Variants in SAMMSON observed in about 807,000 individuals in gnomAD.
SAMMSON encodes long intergenic non-protein coding RNA 1212.
intron 9 of SAMMSON, among the ~76,000 whole-genome samples, chr3:70,377,719 C>A (rs1703032549): frequency 1.3e-5 from 2 of 151,878 alleles, no homozygotes; most frequent in African/African-American, 2.4e-5. Flanking sequence ...GAAAAAGTTA[C>A]AACACATATG....
At chr3:70,286,293 C>T (rs965442574) in intron 6 of SAMMSON, among the ~76,000 whole-genome samples, 73 of 152,134 alleles carry the variant, frequency 4.8e-4, no homozygotes, top group Non-Finnish European at 9.4e-4. Flanking sequence ...CCAGTTTTCC[C>T]AGCACCGTTT....
chr3:70,000,546 A>G (rs995937100), intron 1 of SAMMSON, among the ~76,000 whole-genome samples: 1 of 152,238 alleles, frequency 6.6e-6, no homozygotes, highest in African/African-American at 2.4e-5. Context: ...TGCCAAATGT[A>G]AACATATTTC....
intron 7 of SAMMSON, among the ~76,000 whole-genome samples, chr3:70,342,669 C>T (rs1480905619): frequency 1.3e-5 from 2 of 152,154 alleles, no homozygotes; most frequent in Non-Finnish European, 2.9e-5. Context: ...ATGAGATATA[C>T]ACCCTTTATT....
At chr3:70,146,924 A>C (rs1256548594) in intron 4 of SAMMSON, among the ~76,000 whole-genome samples, 1 of 152,068 alleles carries the variant, frequency 6.6e-6, no homozygotes, top group East Asian at 1.9e-4. Flanking sequence ...TTAATGTAGA[A>C]AATCCCAAGG....
intron 7 of SAMMSON, among the ~76,000 whole-genome samples, chr3:70,306,560 T>C (rs1702402816): frequency 6.6e-6 from 1 of 152,186 alleles, no homozygotes; most frequent in South Asian, 2.1e-4. Flanking sequence ...AAAGCTTGTT[T>C]ATTGCCCATT....
At chr3:70,234,379 T>C (rs1338229706) in intron 4 of SAMMSON, among the ~76,000 whole-genome samples, 1 of 152,208 alleles carries the variant, frequency 6.6e-6, no homozygotes, top group Non-Finnish European at 1.5e-5. Context: ...CTAGGCACAG[T>C]GGCTCATGCC....
intron 3 of SAMMSON, among the ~76,000 whole-genome samples, chr3:70,055,600 A>G (rs1283752409): frequency 8.5e-5 from 13 of 152,096 alleles, no homozygotes; most frequent in Admixed American, 8.5e-4. Context: ...CTTATATAAA[A>G]GTTCTCAAAT....
At chr3:70,170,780 A>G (rs906770309) in intron 4 of SAMMSON, among the ~76,000 whole-genome samples, 1 of 151,886 alleles carries the variant, frequency 6.6e-6, no homozygotes, top group African/African-American at 2.4e-5. Flanking sequence ...TCCAAATAGA[A>G]GGGAAAATCA....
At chr3:70,290,061 G>C (rs922154566) in intron 6 of SAMMSON, among the ~76,000 whole-genome samples, 1 of 152,176 alleles carries the variant, frequency 6.6e-6, no homozygotes, top group African/African-American at 2.4e-5. Context: ...CTCTCAGCTC[G>C]TCAAAGTCAT....
chr3:70,312,976 G>A (rs967095117), intron 7 of SAMMSON, among the ~76,000 whole-genome samples: 2 of 152,088 alleles, frequency 1.3e-5, no homozygotes, highest in African/African-American at 4.8e-5. Context: ...AGAAAAGAAA[G>A]GGAAACCTTT....
At chr3:70,363,296 T>C (rs1303556066) in intron 9 of SAMMSON, among the ~76,000 whole-genome samples, 1 of 151,914 alleles carries the variant, frequency 6.6e-6, no homozygotes, top group Non-Finnish European at 1.5e-5. Context: ...CTTTCACCAC[T>C]CTTATTCAAC....
At chr3:70,399,537 T>C (rs1317035965) in intron 2 of SAMMSON, among the ~76,000 whole-genome samples, 1 of 152,158 alleles carries the variant, frequency 6.6e-6, no homozygotes, top group Non-Finnish European at 1.5e-5. Context: ...CAAATATATC[T>C]GTTGATATCA....
At chr3:70,299,654 G>A (rs1702327587) in intron 7 of SAMMSON, among the ~76,000 whole-genome samples, 2 of 152,034 alleles carry the variant, frequency 1.3e-5, no homozygotes, top group Admixed American at 1.3e-4. Flanking sequence ...CGGAATTCAT[G>A]CCTTCTCATT....
intron 4 of SAMMSON, among the ~76,000 whole-genome samples, chr3:70,202,255 T>C (rs1320087100): frequency 6.6e-6 from 1 of 152,110 alleles, no homozygotes; most frequent in East Asian, 1.9e-4. Context: ...GCCTATTTGA[T>C]AGTGGTCAGT....
intron 4 of SAMMSON, among the ~76,000 whole-genome samples, chr3:70,220,815 G>T (rs1037464017): frequency 6.6e-6 from 1 of 152,144 alleles, no homozygotes; most frequent in Non-Finnish European, 1.5e-5. Flanking sequence ...TTGCACAAAA[G>T]AAGGTCATTT....
intron 7 of SAMMSON, among the ~76,000 whole-genome samples, chr3:70,345,098 T>C (rs924291844): frequency 6.6e-6 from 1 of 152,214 alleles, no homozygotes; most frequent in African/African-American, 2.4e-5. Context: ...TGAAATTAAA[T>C]ATGAGTTTAT....
chr3:70,095,489 CTG>C (rs1023722269), intron 4 of SAMMSON, among the ~76,000 whole-genome samples: 1 of 152,172 alleles, frequency 6.6e-6, no homozygotes, highest in Non-Finnish European at 1.5e-5. Context: ...TTATGAGAGA[CTG>C]TTGTGCAATC....
chr3:70,385,202 A>G (rs1430731998), intron 9 of SAMMSON, among the ~76,000 whole-genome samples: 1 of 152,204 alleles, frequency 6.6e-6, no homozygotes, highest in East Asian at 1.9e-4. Context: ...TCTGTAAAAT[A>G]ATGGTAATAA....
At chr3:70,179,763 G>T (rs1467858750) in intron 4 of SAMMSON, among the ~76,000 whole-genome samples, 1 of 151,968 alleles carries the variant, frequency 6.6e-6, no homozygotes, top group Non-Finnish European at 1.5e-5. Context: ...AATATCCTCT[G>T]TTCTATATCT....
Sources: allele counts gnomAD v4.1 joint callset (sites outside exome capture counted in the v4.1 genomes callset), GRCh38; gene constraint gnomAD v4.1.1; transcripts MANE v1.5; gene names NCBI Gene and HGNC (gene_info 2026-07-23, HGNC 2026-07-21).